Variants in ARHGAP26 observed in about 807,000 individuals in gnomAD.
ARHGAP26 encodes the protein rho GTPase-activating protein 26.
ARHGAP26 carries 38 observed loss-of-function variants against 104.8 expected under a neutral mutation model. That is an observed-to-expected ratio of 0.36 (90% CI 0.28 to 0.48). The LOEUF is 0.48. Ranked by LOEUF, ARHGAP26 falls within the 20% of genes least tolerant of loss-of-function variation. The probability of loss-of-function intolerance (pLI) is 0.99; values close to 1 mark genes in which losing one functional copy is unlikely to be tolerated. For synonymous variants in ARHGAP26, 341 were observed against 340.0 expected, an observed-to-expected ratio of 1.00 and a Z score of -0.03; for missense variants, 704 against 947.9, an observed-to-expected ratio of 0.74 and a Z score of 3.38.
chr5:142,855,948 TG>T (rs1471401835), intron 1 of ARHGAP26, among the ~76,000 whole-genome samples: 1 of 152,242 alleles, frequency 6.6e-6, no homozygotes, highest in Non-Finnish European at 1.5e-5. Flanking sequence ...GTGGTCTTTA[TG>T]GCATAGTCTA....
chr5:143,109,467 T>TC (rs1232344579), intron 17 of ARHGAP26, among the ~76,000 whole-genome samples: 1 of 152,110 alleles, frequency 6.6e-6, no homozygotes, highest in East Asian at 1.9e-4. Context: ...TTTTTGTATT[T>TC]TTTTTTTTAG....
intron 21 of ARHGAP26, among the ~76,000 whole-genome samples, chr5:143,213,124 G>T (rs202130914): frequency 6.6e-6 from 1 of 152,152 alleles, no homozygotes; most frequent in African/African-American, 2.4e-5. Flanking sequence ...CAGCCTGGGC[G>T]ACAGAGCAAG....
chr5:143,031,410 G>A (rs1219856255), intron 12 of ARHGAP26, among the ~76,000 whole-genome samples: 2 of 152,164 alleles, frequency 1.3e-5, no homozygotes, highest in African/African-American at 4.8e-5. Context: ...ATTGAGGTAG[G>A]GACCAGGATG....
intron 10 of ARHGAP26, among the ~76,000 whole-genome samples, chr5:142,929,781 G>C (rs1407406905): frequency 6.6e-6 from 1 of 152,194 alleles, no homozygotes; most frequent in Non-Finnish European, 1.5e-5. Context: ...ATATATGTGA[G>C]CCCCTGAGAC....
chr5:142,986,211 A>G (rs1396728263), intron 11 of ARHGAP26, among the ~76,000 whole-genome samples: 1 of 152,144 alleles, frequency 6.6e-6, no homozygotes, highest in Non-Finnish European at 1.5e-5. Flanking sequence ...AACTGGTGTG[A>G]GATGGTATCT....
intron 20 of ARHGAP26, among the ~76,000 whole-genome samples, chr5:143,171,834 A>G (rs1240625502): frequency 1.3e-5 from 2 of 152,180 alleles, no homozygotes; most frequent in Non-Finnish European, 1.5e-5. Context: ...TCTCTGGCGT[A>G]GGCACAATCC....
intron 1 of ARHGAP26, among the ~76,000 whole-genome samples, chr5:142,801,562 C>A (rs1327908693): frequency 1.3e-5 from 2 of 151,548 alleles, no homozygotes; most frequent in African/African-American, 2.4e-5. Context: ...TTGTCTGAAT[C>A]CCTGGCATAT....
rs188971079 is a variant in ARHGAP26, at chr5:142,989,108, A to G, written c.1108-24972A>G. On this transcript the variant is annotated intron_variant, in intron 11 of 22. Transcript: ENST00000645722. ...CAGTGGTGTGTTAAATTCTCCCATT[A>G]TTATTGTGTGGGAGTGTAAGTCTCT... Among the ~76,000 whole-genome samples the G allele has an allele frequency of 3.9e-5, 6 of 152,198 alleles. No individual in the cohort carries two copies. In the East Asian group the frequency reaches 1.2e-3, roughly 29 times the overall value.
intron 20 of ARHGAP26, among the ~76,000 whole-genome samples, chr5:143,186,141 A>G (rs1805103032): frequency 6.6e-6 from 1 of 152,234 alleles, no homozygotes; most frequent in Non-Finnish European, 1.5e-5. Flanking sequence ...TACCTTGTCC[A>G]GCTTAGGAAT....
In ARHGAP26 at chr5:143,223,350, C is replaced by G. The variant is rs1178318905; in HGVS notation, c.*904C>G. On this transcript the variant is annotated 3_prime_UTR_variant, in exon 23 of 23. Transcript: ENST00000645722. ...ATAGTAGCTGGGAACTGTTCCCTTT[C>G]TGATTAATTTCAGCAGCATCGGAAT... 1 of 232,850 alleles carries G rather than the reference C, an allele frequency of 4.3e-6. No individual in the cohort carries two copies. Among genetic ancestry groups the G allele is most frequent in the Admixed American group, 5.6e-5 (1 of 17,758 alleles). 14.4% of individuals were successfully genotyped at this position (232,850 alleles called of 1,614,324 possible).
chr5:142,910,064 A>G (rs958419039), intron 9 of ARHGAP26, among the ~76,000 whole-genome samples: 2 of 152,230 alleles, frequency 1.3e-5, no homozygotes, highest in Admixed American at 6.5e-5. Context: ...ATCCTGACAC[A>G]TAATGGGTGC....
chr5:143,009,713 G>A (rs547472528), intron 11 of ARHGAP26, among the ~76,000 whole-genome samples: 2 of 152,044 alleles, frequency 1.3e-5, no homozygotes, highest in African/African-American at 2.4e-5. Flanking sequence ...TTGTTGGCAC[G>A]GATCTTTAAC....
intron 1 of ARHGAP26, among the ~76,000 whole-genome samples, chr5:142,836,315 T>C (rs1769553421): frequency 6.6e-6 from 1 of 152,192 alleles, no homozygotes; most frequent in Admixed American, 6.5e-5. Flanking sequence ...CCTGACAGCT[T>C]TTTTCCCCGG....
At chr5:143,076,126 A>G (rs898210696) in intron 17 of ARHGAP26, among the ~76,000 whole-genome samples, 2 of 148,382 alleles carry the variant, frequency 1.3e-5, no homozygotes, top group Admixed American at 1.3e-4. Context: ...CCAAGTAACT[A>G]GGACTACAGG....
intron 1 of ARHGAP26, among the ~76,000 whole-genome samples, chr5:142,851,689 C>T (rs982631132): frequency 6.6e-6 from 1 of 152,222 alleles, no homozygotes; most frequent in African/African-American, 2.4e-5. Flanking sequence ...CGCCCCCTCC[C>T]TCCCGTTTTA....
chr5:143,014,790 A>T (rs1025623415), intron 12 of ARHGAP26, among the ~76,000 whole-genome samples: 5 of 152,180 alleles, frequency 3.3e-5, no homozygotes, highest in Non-Finnish European at 4.4e-5. Context: ...GTTTGGGCTG[A>T]TTATCTCCTT....
At chr5:143,067,033 G>A (rs796157048) in intron 17 of ARHGAP26, among the ~76,000 whole-genome samples, 1 of 150,130 alleles carries the variant, frequency 6.7e-6, no homozygotes, top group Non-Finnish European at 1.5e-5. Flanking sequence ...CCCCTCCTCT[G>A]CCCCTCCCCC....
At chr5:142,824,893 A>G (rs191837124) in intron 1 of ARHGAP26, among the ~76,000 whole-genome samples, 1 of 152,348 alleles carries the variant, frequency 6.6e-6, no homozygotes. Flanking sequence ...AATGTTAAAT[A>G]TATATTGAGG....
chr5:143,210,286 C>T (rs976540749), intron 21 of ARHGAP26, among the ~76,000 whole-genome samples: 71 of 152,024 alleles, frequency 4.7e-4, no homozygotes, highest in African/African-American at 1.7e-3. Flanking sequence ...GGGAAACTCC[C>T]GTTTTTTAAA....
Sources: gnomAD v4.1 joint callset for allele counts (sites outside exome capture counted in the v4.1 genomes callset) on GRCh38, gnomAD v4.1.1 for gene constraint, MANE v1.5 for transcripts, NCBI Gene and HGNC (gene_info 2026-07-23, HGNC 2026-07-21) for gene names.